TG: variants seen among roughly 807,000 people sequenced by gnomAD.
TG encodes thyroglobulin.
Under a neutral mutation model 324.7 loss-of-function variants are expected in TG, and 270 were observed. The ratio of observed to expected loss-of-function variants is 0.83; its 90% CI spans 0.75 to 0.92. The LOEUF (loss-of-function observed/expected upper bound fraction) is 0.92. Among genes scored for constraint, TG ranks in the 40% least tolerant of loss-of-function variants. TG has a pLI of 0.00. For synonymous variants in TG, 1,401 were observed against 1,327.0 expected, an observed-to-expected ratio of 1.06 and a Z score of -1.21; for missense variants, 3,591 against 3,456.4, an observed-to-expected ratio of 1.04 and a Z score of -0.98.
intron 41 of TG, among the ~76,000 whole-genome samples, chr8:133,064,730 G>T (rs1051474917): frequency 2.6e-5 from 4 of 152,198 alleles, no homozygotes; most frequent in Admixed American, 2.6e-4. Context: ...CGCAGATCTG[G>T]GTCCTTTCAT....
intron 40 of TG, among the ~76,000 whole-genome samples, chr8:133,026,185 C>T (rs562665613): frequency 4.9e-4 from 75 of 152,342 alleles, no homozygotes; most frequent in African/African-American, 1.7e-3. Context: ...AGCAGCCCCT[C>T]GTGAGCATCA....
rs777684915 is a variant in TG at position 132,911,359 on chromosome 8, G to A, written c.4003-18G>A. 1 of 1,614,210 alleles carries A rather than the reference G, an allele frequency of 6.2e-7. No individual in the cohort carries two copies. Among genetic ancestry groups the A allele is most frequent in the Admixed American group, 1.7e-5 (1 of 60,026 alleles). On this transcript the variant is annotated intron_variant, in intron 18 of 47. Coordinates refer to ENST00000220616, the MANE Select transcript of TG (RefSeq NM_003235.5). ...TCTACTCTGTGTTCTTGAGCTGAAAGTGTCTGTCTTCTTGTAGGTGAAGAC... is the reference window on the plus strand; with the variant it reads ...TCTACTCTGTGTTCTTGAGCTGAAAATGTCTGTCTTCTTGTAGGTGAAGAC...
intron 41 of TG, chr8:133,049,866 C>T (rs762686432): frequency 3.1e-6 from 4 of 1,306,704 alleles, no homozygotes; most frequent in East Asian, 4.6e-5. Context: ...GCATACGCAT[C>T]ATGCTTAATT....
chr8:133,002,902 C>A, intron 35 of TG: 1 of 642,588 alleles, frequency 1.6e-6, no homozygotes, highest in Non-Finnish European at 2.0e-6. Flanking sequence ...TCCAGTTTTG[C>A]CATGGTAACA....
chr8:132,909,852 C>A (rs2687832), intron 18 of TG, among the ~76,000 whole-genome samples: 62,438 of 152,064 alleles, frequency 0.41, 15,607 homozygotes, highest in Admixed American at 0.54. Context: ...AGTTTTGAAT[C>A]CCGGCTCTAC....
chr8:133,109,770 G>C (rs1417128446), intron 43 of TG, among the ~76,000 whole-genome samples: 1 of 152,120 alleles, frequency 6.6e-6, no homozygotes, highest in African/African-American at 2.4e-5. Context: ...TGCTGACCTC[G>C]GCTACTCCCT....
At chr8:133,115,603 C>T (rs1170529486) in intron 44 of TG, among the ~76,000 whole-genome samples, 2 of 152,202 alleles carry the variant, frequency 1.3e-5, no homozygotes, top group African/African-American at 2.4e-5. Context: ...TAAACTTGGG[C>T]ATTACAAAAC....
In TG at chr8:133,101,204, G is replaced by A. The variant is rs942181473; in HGVS notation, c.7572+4831G>A. Among the ~76,000 whole-genome samples, 27 of 152,238 alleles carry A rather than the reference G, an allele frequency of 1.8e-4. 1 individual carries two copies. Among genetic ancestry groups the A allele is most frequent in the South Asian group, 1.2e-3 (6 of 4,824 alleles). Reference sequence around the variant, plus strand: ...AAGCATCACCTAGAGAGATCCTCAGGATTCTACCCCACACAGAACTGCAAG... The same window carrying A: ...AAGCATCACCTAGAGAGATCCTCAGAATTCTACCCCACACAGAACTGCAAG... On this transcript the variant is annotated intron_variant, in intron 43 of 47. Transcript: ENST00000220616.
intron 1 of TG, 140 bp downstream of exon 1, chr8:132,867,207 C>A: frequency 1.3e-6 from 1 of 741,624 alleles, no homozygotes; most frequent in Non-Finnish European, 2.2e-6. Context: ...TTTTTTTTTT[C>A]AGATGAAGAG....
chr8:133,002,911 C>A (rs1399611533), intron 35 of TG: 3 of 771,598 alleles, frequency 3.9e-6, no homozygotes, highest in Non-Finnish European at 4.9e-6. Context: ...GCCATGGTAA[C>A]ACCTGTGGGT....
chr8:133,129,860 G>C (rs1851815406), intron 45 of TG, among the ~76,000 whole-genome samples: 1 of 152,152 alleles, frequency 6.6e-6, no homozygotes, highest in Admixed American at 6.5e-5. Context: ...TCTCTCAAGA[G>C]AGATCCACCT....
intron 5 of TG, among the ~76,000 whole-genome samples, chr8:132,874,986 G>T (rs1839830100): frequency 6.6e-6 from 1 of 152,058 alleles, no homozygotes; most frequent in Admixed American, 6.5e-5. Flanking sequence ...ATTTGCCTTT[G>T]GGACCTGCCT....
At chr8:132,889,988 G>T (rs1354728847) in intron 10 of TG, among the ~76,000 whole-genome samples, 1 of 151,876 alleles carries the variant, frequency 6.6e-6, no homozygotes, top group East Asian at 1.9e-4. Context: ...CACCATGTTG[G>T]CCAGGCTGGT....
chr8:133,130,034 C>A (rs1177879890), intron 45 of TG, among the ~76,000 whole-genome samples: 2 of 152,202 alleles, frequency 1.3e-5, no homozygotes, highest in Non-Finnish European at 2.9e-5. Flanking sequence ...GAGCCAGAAA[C>A]TGGGTCAGAG....
At chr8:132,983,486 C>G in intron 35 of TG, 74 bp downstream of exon 35, 2 of 1,451,478 alleles carry the variant, frequency 1.4e-6, no homozygotes. Context: ...TTCCCCCTTG[C>G]TTTTGTACAG....
intron 15 of TG, among the ~76,000 whole-genome samples, 172 bp downstream of exon 15, chr8:132,900,511 C>T (rs1817764916): frequency 6.6e-6 from 1 of 152,206 alleles, no homozygotes; most frequent in Non-Finnish European, 1.5e-5. Context: ...GGGCAATATT[C>T]CCCCATCTCT....
intron 41 of TG, among the ~76,000 whole-genome samples, chr8:133,068,997 G>C (rs574534197): frequency 4.1e-4 from 62 of 152,240 alleles, no homozygotes; most frequent in Non-Finnish European, 7.1e-4. Flanking sequence ...CATTGGCAAT[G>C]AAGAAAGAGT....
At chr8:133,072,107 C>T (rs1844147391) in intron 41 of TG, among the ~76,000 whole-genome samples, 1 of 152,158 alleles carries the variant, frequency 6.6e-6, no homozygotes, top group Admixed American at 6.5e-5. Context: ...AGTCTCCCAA[C>T]TTCACTCACC....
chr8:132,945,444 T>C (rs574167202), intron 26 of TG, among the ~76,000 whole-genome samples: 23 of 152,096 alleles, frequency 1.5e-4, no homozygotes, highest in African/African-American at 5.5e-4. Context: ...GAGAGGGAGA[T>C]TTAGGAAGGC....
Sources: gnomAD v4.1 joint callset for allele counts (sites outside exome capture counted in the v4.1 genomes callset) on GRCh38, gnomAD v4.1.1 for gene constraint, MANE v1.5 for transcripts, NCBI Gene and HGNC (gene_info 2026-07-23, HGNC 2026-07-21) for gene names.